PPEF1: variants seen among roughly 807,000 people sequenced by gnomAD.
PPEF1 encodes protein phosphatase with EF-hand domain 1.
In PPEF1, 12 loss-of-function variants were observed where a neutral mutation model predicts 53.3. That is an observed-to-expected ratio of 0.23 (90% CI 0.14 to 0.36). The LOEUF (loss-of-function observed/expected upper bound fraction) is 0.36, where lower values mean the gene tolerates loss of function less well. Ranked by LOEUF, PPEF1 falls within the 10% of genes least tolerant of loss-of-function variation. The pLI is 1.00. For synonymous variants in PPEF1, 165 were observed against 176.7 expected (o/e 0.93, Z 0.52); for missense variants, 334 against 490.4 (o/e 0.68, Z 3.01).
chrX:18,758,979 C>T (rs2045603965), intron 5 of PPEF1, among the ~76,000 whole-genome samples: 1 of 111,277 alleles, frequency 9.0e-6, no homozygotes, highest in African/African-American at 3.3e-5. Context: ...GAAATTGAAG[C>T]TCAGAGAGAA....
chrX:18,810,630 T>C (rs746621724), intron 12 of PPEF1, among the ~76,000 whole-genome samples: 2 of 112,371 alleles, frequency 1.8e-5, no homozygotes, highest in Non-Finnish European at 3.8e-5. Context: ...TCACACAATA[T>C]GTGGTCTTTT....
intron 3 of PPEF1, among the ~76,000 whole-genome samples, chrX:18,690,667 G>T (rs1017093772): frequency 1.4e-4 from 16 of 112,443 alleles, no homozygotes; most frequent in Admixed American, 1.1e-3. Flanking sequence ...GAGCCATCGT[G>T]CCTGGCCCAG....
intron 4 of PPEF1, among the ~76,000 whole-genome samples, chrX:18,692,415 C>T (rs1356818126): frequency 8.9e-6 from 1 of 112,156 alleles, no homozygotes; most frequent in East Asian, 2.8e-4. Flanking sequence ...GTGCCTGGCA[C>T]ATGGTAGACA....
intron 11 of PPEF1, among the ~76,000 whole-genome samples, chrX:18,805,056 G>A (rs780695663): frequency 9.2e-6 from 1 of 108,335 alleles, no homozygotes; most frequent in Admixed American, 1.0e-4. Context: ...GTGCAATCTC[G>A]GCTTACTGCA....
chrX:18,720,091 C>G, intron 1 of PPEF1, among the ~76,000 whole-genome samples: 1 of 111,085 alleles, frequency 9.0e-6, no homozygotes, highest in Admixed American at 9.6e-5. Flanking sequence ...AATCTCATCA[C>G]GAGGAAAAGA....
intron 1 of PPEF1, among the ~76,000 whole-genome samples, chrX:18,711,840 C>T (rs759001592): frequency 5.7e-4 from 62 of 108,373 alleles, no homozygotes; most frequent in African/African-American, 1.8e-3. Flanking sequence ...CTGCAACCTC[C>T]GCCTCCCAGG....
At chrX:18,714,422 C>T (rs1430874203) in intron 1 of PPEF1, among the ~76,000 whole-genome samples, 2 of 110,580 alleles carry the variant, frequency 1.8e-5, no homozygotes, top group Non-Finnish European at 3.8e-5. Flanking sequence ...CAGGCGCCCA[C>T]CACTATGCCC....
chrX:18,696,751 G>C (rs1310350624), intron 4 of PPEF1, among the ~76,000 whole-genome samples: 1 of 111,466 alleles, frequency 9.0e-6, no homozygotes, highest in African/African-American at 3.3e-5. Flanking sequence ...AGTGGCCCCA[G>C]CATCAGGAGG....
chrX:18,696,308 A>G (rs1356799259), intron 4 of PPEF1, among the ~76,000 whole-genome samples: 2 of 95,040 alleles, frequency 2.1e-5, no homozygotes, highest in Admixed American at 1.1e-4. Context: ...ATGTCCCACC[A>G]CACCCAGCTA....
At chrX:18,716,594 C>A (rs1225263957) in intron 1 of PPEF1, among the ~76,000 whole-genome samples, 1 of 109,073 alleles carries the variant, frequency 9.2e-6, no homozygotes, top group African/African-American at 3.3e-5. Flanking sequence ...GAGAGCCCCC[C>A]TCCCGGCTCT....
At chrX:18,715,251 A>G (rs777071709) in intron 1 of PPEF1, among the ~76,000 whole-genome samples, 1 of 110,859 alleles carries the variant, frequency 9.0e-6, no homozygotes, top group African/African-American at 3.3e-5. Context: ...GAAGAAAAAG[A>G]CCAGGCACAG....
chrX:18,779,210 G>T (rs747555293), intron 7 of PPEF1, 34 bp downstream of exon 7: 55 of 1,125,149 alleles, frequency 4.9e-5, no homozygotes, highest in Non-Finnish European at 5.9e-5. Flanking sequence ...TCTTTTAAAA[G>T]TTTCGCACTC....
intron 5 of PPEF1, among the ~76,000 whole-genome samples, chrX:18,758,161 T>A (rs186982539): frequency 1.2e-4 from 13 of 111,896 alleles, no homozygotes; most frequent in African/African-American, 3.9e-4. Context: ...TGTTTTAGAT[T>A]TTTCCAACTG....
chrX:18,787,112 G>A (rs1460954873), intron 9 of PPEF1, among the ~76,000 whole-genome samples: 1 of 112,131 alleles, frequency 8.9e-6, no homozygotes, highest in Admixed American at 9.5e-5. Flanking sequence ...TCATTGAACT[G>A]TAGTGAAAAT....
chrX:18,804,347 C>T lies in PPEF1; in HGVS notation c.1251+270C>T, dbSNP rs778292585. On this transcript the variant is annotated intron_variant, in intron 11 of 15. Coordinates refer to ENST00000470157, the MANE Select transcript of PPEF1 (RefSeq NM_001377996.1). Reference sequence around the variant, plus strand: ...TTTGAGATGGAGTCTCACTCTGCCACCCAGGTTGGAGTGCAGTGGTGTGAT... The same window carrying T: ...TTTGAGATGGAGTCTCACTCTGCCATCCAGGTTGGAGTGCAGTGGTGTGAT... 1.5e-4 allele frequency among the ~76,000 whole-genome samples: 16 copies of T among 109,327 alleles called. No homozygotes were observed. In the South Asian group the frequency reaches 6.5e-3, roughly 45 times the overall value. 94.9% of individuals were successfully genotyped at this position (109,327 alleles called of 115,157 possible). A position where few individuals can be genotyped will look rare whatever the true frequency, so the allele number is the denominator to read the frequency against.
chrX:18,778,916 T>C (rs1340787196), intron 6 of PPEF1, 94 bp from the exon 7 acceptor site: 2 of 885,083 alleles, frequency 2.3e-6, no homozygotes, highest in Admixed American at 6.4e-5. Flanking sequence ...CTCAGCCTCT[T>C]TTTTCCATAT....
At position 18,745,454 on chromosome X, in the gene PPEF1, T is replaced by G. The variant is rs778355159; in HGVS notation, c.236-4338T>G. On this transcript the variant is annotated intron_variant, in intron 3 of 15. Transcript: ENST00000470157. ...TCGAACTCCTGGACTCAAGCAATTC[T>G]CCATGCCCAGCCTCTGTATTACATT... 2.8e-5 allele frequency among the ~76,000 whole-genome samples: 3 copies of G among 108,708 alleles called. No individual in the cohort carries two copies. The South Asian group carries it at 1.2e-3, about 42-fold the overall frequency. 94.4% of individuals were successfully genotyped at this position (108,708 alleles called of 115,157 possible). A position where few individuals can be genotyped will look rare whatever the true frequency, so the allele number is the denominator to read the frequency against.
At chrX:18,739,241 C>G (rs748689469) in intron 3 of PPEF1, among the ~76,000 whole-genome samples, 3 of 112,458 alleles carry the variant, frequency 2.7e-5, no homozygotes, top group Non-Finnish European at 5.6e-5. Flanking sequence ...CTTTTCTGCT[C>G]TGGTTTCTCC....
chrX:18,763,589 GCCATACAAC>G (rs1202906171), intron 6 of PPEF1, among the ~76,000 whole-genome samples: 4 of 110,943 alleles, frequency 3.6e-5, no homozygotes, highest in African/African-American at 9.9e-5. Context: ...GCTTGAGTAA[GCCATACAAC>G]CTCCATGAAC....
Sources: allele counts gnomAD v4.1 joint callset (sites outside exome capture counted in the v4.1 genomes callset), GRCh38; gene constraint gnomAD v4.1.1; transcripts MANE v1.5; gene names NCBI Gene and HGNC (gene_info 2026-07-23, HGNC 2026-07-21).